Variants in DMXL1 observed in about 807,000 individuals in gnomAD.
DMXL1 encodes Dmx like 1, also known as dmX-like protein 1.
In DMXL1, 99 loss-of-function variants were observed where a neutral mutation model predicts 319.2. That is an observed-to-expected ratio of 0.31 (90% CI 0.26 to 0.37). DMXL1 has a LOEUF of 0.37. Among genes scored for constraint, DMXL1 ranks in the 10% least tolerant of loss-of-function variants. The pLI, the probability that DMXL1 is intolerant of heterozygous loss-of-function variation, is 1.00. For missense variants in DMXL1, 3,745 were observed against 3,595.6 expected (o/e 1.04, Z -1.06); for synonymous variants, 1,385 against 1,235.2 (o/e 1.12, Z -2.54).
intron 19 of DMXL1, among the ~76,000 whole-genome samples, chr5:119,153,952 C>CA: frequency 6.6e-6 from 1 of 152,324 alleles, no homozygotes; most frequent in East Asian, 1.9e-4. Context: ...GTAATTCTCA[C>CA]AATATTTCAA....
In DMXL1 at chr5:119,149,192, A is replaced by G. The variant is rs991774936; in HGVS notation, c.3365A>G (p.Gln1122Arg). The change falls in exon 18 of 44, where the codon CAA becomes CGA. Residue 1122 changes from glutamine (Q) to arginine (R), a missense_variant. Gln to Arg is a conservative substitution (Grantham distance 43). Coordinates refer to ENST00000539542, the MANE Select transcript of DMXL1 (RefSeq NM_001290321.3). ...AGCAATTTAGTGGCCTATAATAAACAAGACATGTATTTATCTAGTAAAGAG... is the reference window on the plus strand; with the variant it reads ...AGCAATTTAGTGGCCTATAATAAACGAGACATGTATTTATCTAGTAAAGAG... Reference protein sequence around the residue: ...VDSNLVAYNKQDMYLSSKENI... With the variant: ...VDSNLVAYNKRDMYLSSKENI... 1 of 1,613,890 alleles carries G rather than the reference A, an allele frequency of 6.2e-7. No individual in the cohort carries two copies. The highest frequency in any genetic ancestry group is 1.7e-5 in the Admixed American group (1 of 59,990).
intron 13 of DMXL1, among the ~76,000 whole-genome samples, chr5:119,141,685 A>G (rs1203267587): frequency 1.3e-5 from 2 of 152,112 alleles, no homozygotes; most frequent in African/African-American, 4.8e-5. Context: ...TGCCCAAAGT[A>G]TGGCCCAAAA....
intron 10 of DMXL1, among the ~76,000 whole-genome samples, chr5:119,131,758 C>T (rs1764944174): frequency 6.6e-6 from 1 of 152,180 alleles, no homozygotes; most frequent in Admixed American, 6.5e-5. Flanking sequence ...TGTATGGCTA[C>T]TGATTACTCA....
chr5:119,232,254 A>C (rs1786890095), intron 38 of DMXL1, among the ~76,000 whole-genome samples: 1 of 152,176 alleles, frequency 6.6e-6, no homozygotes, highest in South Asian at 2.1e-4. Context: ...GGGGAAAGGG[A>C]GTAGAGCCAG....
chr5:119,088,380 G>T (rs1753840367), intron 1 of DMXL1, among the ~76,000 whole-genome samples: 2 of 152,102 alleles, frequency 1.3e-5, no homozygotes. Flanking sequence ...TATAGAGTTG[G>T]TTCTTTTTTC....
intron 5 of DMXL1, among the ~76,000 whole-genome samples, chr5:119,113,103 T>C (rs1760031113): frequency 6.6e-6 from 1 of 152,150 alleles, no homozygotes; most frequent in Non-Finnish European, 1.5e-5. Context: ...CAGTGAAAAA[T>C]TATTTGAAAT....
chr5:119,097,672 G>A (rs1246596215), intron 1 of DMXL1, among the ~76,000 whole-genome samples: 4 of 152,140 alleles, frequency 2.6e-5, no homozygotes, highest in African/African-American at 9.7e-5. Flanking sequence ...AGCCGAGATT[G>A]CGCCACTGCA....
At chr5:119,098,970 A>G (rs1756612798) in intron 2 of DMXL1, among the ~76,000 whole-genome samples, 1 of 152,204 alleles carries the variant, frequency 6.6e-6, no homozygotes, top group African/African-American at 2.4e-5. Context: ...AAAAGTTGCC[A>G]TCTGGGACTT....
In DMXL1 at chr5:119,167,750, T is replaced by G; in HGVS notation, c.5284T>G (p.Leu1762Val). Residue 1762 changes from leucine (L) to valine (V), a missense_variant, in exon 23 of 44, where the codon TTG becomes GTG. By Grantham distance (32) the Leu-to-Val change is conservative. Transcript: ENST00000539542. ...TTCTCCTGTCAGTGAACTGTGTTCATTGAACATAAATATGCATCATGATCC... is the reference window on the plus strand; with the variant it reads ...TTCTCCTGTCAGTGAACTGTGTTCAGTGAACATAAATATGCATCATGATCC... ...IDSPVSELCS[L>V]NINMHHDPFL... The G allele has an allele frequency of 6.2e-7, 1 of 1,613,602 alleles. No individual in the cohort carries two copies. Among genetic ancestry groups the G allele is most frequent in the Non-Finnish European group, 8.5e-7 (1 of 1,179,688 alleles).
At position 119,167,824 on chromosome 5, in the gene DMXL1, T is replaced by C. The variant is rs1773734209; in HGVS notation, c.5358T>C (p.Ala1786=). The change falls in exon 23 of 44, where the codon GCT becomes GCC. Residue 1786 remains alanine, a synonymous_variant. Coordinates refer to ENST00000539542, the MANE Select transcript of DMXL1 (RefSeq NM_001290321.3). ...AYWILEDYSG[A]LETLIKQPIR... ...GGATTTTGGAAGATTATAGTGGTGC[T>C]CTGGAAACATTAATAAAGCAACCTA... The C allele has an allele frequency of 7.4e-6, 12 of 1,613,222 alleles. No individual in the cohort carries two copies. Among genetic ancestry groups the C allele is most frequent in the Non-Finnish European group, 1.0e-5 (12 of 1,179,644 alleles).
At chr5:119,173,776 G>GTGTATGTATATATATATATA in intron 25 of DMXL1, among the ~76,000 whole-genome samples, 1 of 67,172 alleles carries the variant, frequency 1.5e-5, no homozygotes, top group African/African-American at 5.6e-5. Context: ...ATGTGTGTGT[G>GTGTATGTATATATATATATA]TATATATATA....
At chr5:119,176,518 T>G (rs1581167785) in intron 26 of DMXL1, among the ~76,000 whole-genome samples, 1 of 152,038 alleles carries the variant, frequency 6.6e-6, no homozygotes, top group African/African-American at 2.4e-5. Flanking sequence ...ATGATTTCTA[T>G]AGGAATGAGG....
chr5:119,137,571 C>A (rs879274747), intron 13 of DMXL1, among the ~76,000 whole-genome samples: 2 of 152,204 alleles, frequency 1.3e-5, no homozygotes, highest in Non-Finnish European at 2.9e-5. Context: ...AAGGGAGGCA[C>A]CTGGTGGGAG....
intron 23 of DMXL1, among the ~76,000 whole-genome samples, chr5:119,169,921 C>T (rs1774210131): frequency 6.6e-6 from 1 of 152,182 alleles, no homozygotes; most frequent in Non-Finnish European, 1.5e-5. Flanking sequence ...GAGTCTATAA[C>T]TGGACGTTTT....
At chr5:119,155,041 T>C (rs1262743420) in intron 19 of DMXL1, among the ~76,000 whole-genome samples, 1 of 152,256 alleles carries the variant, frequency 6.6e-6, no homozygotes, top group African/African-American at 2.4e-5. Flanking sequence ...CAGCCTACTA[T>C]TGAGACCTTC....
At chr5:119,231,596 A>G (rs1376526097) in intron 38 of DMXL1, among the ~76,000 whole-genome samples, 1 of 152,178 alleles carries the variant, frequency 6.6e-6, no homozygotes, top group Non-Finnish European at 1.5e-5. Context: ...CTCTGCTGAG[A>G]ACTCTTAAAA....
At chr5:119,223,912 G>A (rs1013479723) in intron 37 of DMXL1, among the ~76,000 whole-genome samples, 3 of 151,964 alleles carry the variant, frequency 2.0e-5, no homozygotes, top group African/African-American at 4.8e-5. Context: ...CTAGAGAACT[G>A]ATAAAATATT....
intron 4 of DMXL1, among the ~76,000 whole-genome samples, chr5:119,108,962 C>T (rs774422076): frequency 4.0e-5 from 6 of 151,868 alleles, no homozygotes; most frequent in Non-Finnish European, 5.9e-5. Context: ...CCACCATGCC[C>T]GGCTAATTTT....
At chr5:119,181,292 A>G (rs1776730746) in intron 28 of DMXL1, among the ~76,000 whole-genome samples, 1 of 152,124 alleles carries the variant, frequency 6.6e-6, no homozygotes, top group Non-Finnish European at 1.5e-5. Context: ...AATACTTAAA[A>G]CGTATTGTTC....
Sources: gnomAD v4.1 joint callset for allele counts (sites outside exome capture counted in the v4.1 genomes callset) on GRCh38, gnomAD v4.1.1 for gene constraint, MANE v1.5 for transcripts, NCBI Gene and HGNC (gene_info 2026-07-23, HGNC 2026-07-21) for gene names.